USP34: variants seen among roughly 807,000 people sequenced by gnomAD.
USP34 encodes ubiquitin specific peptidase 34.
A neutral mutation model predicts 460.3 loss-of-function variants in USP34; 70 were observed. That is an observed-to-expected ratio of 0.15 (90% confidence interval 0.13 to 0.19). The LOEUF is 0.19. Ranked by LOEUF, USP34 falls within the 10% of genes least tolerant of loss-of-function variation. The pLI, the probability that USP34 is intolerant of heterozygous loss-of-function variation, is 1.00. For missense variants in USP34, 3,985 were observed against 4,236.2 expected (o/e 0.94, Z 1.65); for synonymous variants, 1,647 against 1,405.3 (o/e 1.17, Z -3.85).
At position 61,227,248 on chromosome 2, in the gene USP34, C is replaced by T. The variant is rs773752425; in HGVS notation, c.7444-30G>A. The T allele has an allele frequency of 1.5e-5, 23 of 1,576,554 alleles. No homozygotes were observed. In the East Asian group the frequency reaches 1.6e-4, roughly 11 times the overall value. On this transcript the variant is annotated intron_variant, in intron 61 of 79. Coordinates refer to ENST00000398571, the MANE Select transcript of USP34 (RefSeq NM_014709.4). Reference sequence around the variant, plus strand: ...GTTGGAATAAAATTCAATTTTAATACGGTAGTAGTTTTAATATCATTTTGA... The same window carrying T: ...GTTGGAATAAAATTCAATTTTAATATGGTAGTAGTTTTAATATCATTTTGA...
intron 1 of USP34, among the ~76,000 whole-genome samples, chr2:61,470,160 G>A (rs1373334219): frequency 6.6e-6 from 1 of 152,178 alleles, no homozygotes; most frequent in Non-Finnish European, 1.5e-5. Context: ...AACCCGCAAG[G>A]GAGGGAAAAA....
chr2:61,340,212 A>T (rs1691548032), intron 16 of USP34, among the ~76,000 whole-genome samples: 1 of 130,008 alleles, frequency 7.7e-6, no homozygotes, highest in South Asian at 2.5e-4. Context: ...ATTTAAAAAA[A>T]AACTTAACAC....
At chr2:61,427,336 T>C (rs1405797564) in intron 1 of USP34, among the ~76,000 whole-genome samples, 1 of 152,134 alleles carries the variant, frequency 6.6e-6, no homozygotes, top group African/African-American at 2.4e-5. Context: ...CCCCAAGTTC[T>C]TTCAAATATC....
chr2:61,366,943 G>A (rs1692459603), intron 10 of USP34, among the ~76,000 whole-genome samples: 1 of 152,086 alleles, frequency 6.6e-6, no homozygotes, highest in Non-Finnish European at 1.5e-5. Context: ...CAGCTACTTA[G>A]GAGGCTGAGG....
intron 27 of USP34, among the ~76,000 whole-genome samples, chr2:61,308,442 A>T (rs193149769): frequency 1.3e-5 from 2 of 152,256 alleles, no homozygotes; most frequent in Admixed American, 1.3e-4. Context: ...TTGAGTTAAA[A>T]CTTAAAAAGA....
intron 1 of USP34, among the ~76,000 whole-genome samples, chr2:61,469,072 T>C (rs938110450): frequency 2.0e-5 from 3 of 152,114 alleles, no homozygotes; most frequent in Admixed American, 2.0e-4. Flanking sequence ...CCGGGCATGG[T>C]GTGGGGAACC....
chr2:61,442,157 T>C (rs182159878), intron 1 of USP34, among the ~76,000 whole-genome samples: 95 of 152,096 alleles, frequency 6.2e-4, no homozygotes, highest in African/African-American at 2.2e-3. Context: ...ACTATAAGAC[T>C]ACTAGAACAA....
Position 61,273,301 on chromosome 2 carries a change from T to C in USP34, c.5433+4864A>G, listed in dbSNP as rs1689272228. Among the ~76,000 whole-genome samples, 2 of 152,202 alleles carry C rather than the reference T, an allele frequency of 1.3e-5. 1 individual carries two copies. Among genetic ancestry groups the C allele is most frequent in the South Asian group, 4.1e-4 (2 of 4,836 alleles). ...TTAATTCTGCATCAATCTGGAAATA[T>C]AATACAATCTCAACCAAAAAAGTAA... On this transcript the variant is annotated intron_variant, in intron 41 of 79. Coordinates refer to ENST00000398571, the MANE Select transcript of USP34 (RefSeq NM_014709.4).
intron 18 of USP34, among the ~76,000 whole-genome samples, chr2:61,338,247 G>A (rs1303563304): frequency 6.6e-6 from 1 of 152,164 alleles, no homozygotes; most frequent in Non-Finnish European, 1.5e-5. Flanking sequence ...CTTGAATGCG[G>A]GAGGCAGAGG....
At chr2:61,426,628 G>A (rs1201775056) in intron 1 of USP34, among the ~76,000 whole-genome samples, 2 of 152,248 alleles carry the variant, frequency 1.3e-5, no homozygotes, top group Non-Finnish European at 2.9e-5. Flanking sequence ...CTGGGGTCTA[G>A]AGATCTTGCT....
intron 27 of USP34, among the ~76,000 whole-genome samples, chr2:61,307,427 C>G (rs920800386): frequency 6.6e-6 from 1 of 151,466 alleles, no homozygotes; most frequent in Admixed American, 6.6e-5. Flanking sequence ...AACAAACCTG[C>G]GCGTTGTGCA....
chr2:61,329,166 C>T (rs893676804), intron 20 of USP34, among the ~76,000 whole-genome samples: 1 of 152,006 alleles, frequency 6.6e-6, no homozygotes, highest in African/African-American at 2.4e-5. Context: ...AGATTACAGG[C>T]ATGCGCCACC....
chr2:61,445,453 T>C (rs1695084650), intron 1 of USP34, among the ~76,000 whole-genome samples: 1 of 148,818 alleles, frequency 6.7e-6, no homozygotes, highest in Admixed American at 6.8e-5. Context: ...GAGAATGGCA[T>C]GAACCCGGGA....
At chr2:61,411,433 CT>C (rs1376788357) in intron 2 of USP34, among the ~76,000 whole-genome samples, 3 of 151,434 alleles carry the variant, frequency 2.0e-5, no homozygotes, top group African/African-American at 7.3e-5. Flanking sequence ...AAATATATGA[CT>C]TAAATGGTAA....
At chr2:61,293,722 C>T (rs1572906822) in intron 32 of USP34, among the ~76,000 whole-genome samples, 172 bp from the exon 33 acceptor site, 1 of 152,098 alleles carries the variant, frequency 6.6e-6, no homozygotes, top group Non-Finnish European at 1.5e-5. Context: ...AGGCTACTTT[C>T]AAGAATTTAA....
chr2:61,232,630 ATTCTT>A (rs1558480323), intron 57 of USP34, 98 bp from the exon 58 acceptor site: 1 of 1,017,558 alleles, frequency 9.8e-7, no homozygotes, highest in Non-Finnish European at 1.5e-6. Flanking sequence ...CAATGTTTTA[ATTCTT>A]TTAAGTTCTT....
chr2:61,256,700 G>A (rs1056646534), intron 47 of USP34, among the ~76,000 whole-genome samples, 173 bp downstream of exon 47: 2 of 151,762 alleles, frequency 1.3e-5, no homozygotes, highest in African/African-American at 2.4e-5. Flanking sequence ...AATTTTGATT[G>A]GGCAAGAAAA....
Position 61,232,661 on chromosome 2 carries a change from C to CT in USP34, c.7033-130dup, listed in dbSNP as rs1174334815. The stretch of plus-strand genomic sequence containing the variant: ...TTAAGTTCTTACCAGAAAAGTTTCT[C>CT]TAATTGTCATAAAAGTCAAACTCTA... On this transcript the variant is annotated intron_variant, in intron 57 of 79. Coordinates refer to ENST00000398571, the MANE Select transcript of USP34 (RefSeq NM_014709.4). The CT allele has an allele frequency of 4.0e-6, 3 of 755,290 alleles. No individual in the cohort carries two copies. The East Asian group carries it at 8.1e-5, about 20-fold the overall frequency. 46.8% of individuals were successfully genotyped at this position (755,290 alleles called of 1,614,324 possible).
At chr2:61,285,076 A>G in intron 34 of USP34, 119 bp from the exon 35 acceptor site, 1 of 668,830 alleles carries the variant, frequency 1.5e-6, no homozygotes, top group African/African-American at 1.8e-5. Flanking sequence ...CCAAAATTCC[A>G]AATTATTTTG....
Sources: allele counts gnomAD v4.1 joint callset (sites outside exome capture counted in the v4.1 genomes callset), GRCh38; gene constraint gnomAD v4.1.1; transcripts MANE v1.5; gene names NCBI Gene and HGNC (gene_info 2026-07-23, HGNC 2026-07-21).